Variants in DPP7 observed in about 807,000 individuals in gnomAD.
DPP7 encodes the protein dipeptidyl peptidase 7.
Under a neutral mutation model 58.8 loss-of-function variants are expected in DPP7, and 74 were observed. The observed-to-expected ratio is 1.26, with a 90% CI of 1.04 to 1.53. DPP7 has a LOEUF of 1.53. Among genes scored for constraint, DPP7 ranks in the 40% most tolerant of loss-of-function variants. The pLI, the probability that DPP7 is intolerant of heterozygous loss-of-function variation, is 0.00. For missense variants in DPP7, 807 were observed against 692.3 expected, an observed-to-expected ratio of 1.17 and a Z score of -1.86; for synonymous variants, 350 against 303.6, an observed-to-expected ratio of 1.15 and a Z score of -1.59.
intron 8 of DPP7, 115 bp downstream of exon 8, chr9:137,112,629 TG>T: frequency 7.8e-7 from 1 of 1,281,292 alleles, no homozygotes; most frequent in Non-Finnish European, 1.1e-6. Context: ...ACCACAGCCC[TG>T]GGGCAGGAGG....
At chr9:137,115,777 C>G (rs377173008), upstream of DPP7, among the ~76,000 whole-genome samples, 10 of 152,142 alleles carry the variant, frequency 6.6e-5, no homozygotes, top group Non-Finnish European at 8.8e-5. Flanking sequence ...CACTGCAACA[C>G]GAGGTCATCC....
intron 11 of DPP7, among the ~76,000 whole-genome samples, 184 bp from the exon 12 acceptor site, chr9:137,111,134 CA>C (rs1831342245): frequency 6.6e-6 from 1 of 152,120 alleles, no homozygotes; most frequent in African/African-American, 2.4e-5. Flanking sequence ...CCGGGTGAGA[CA>C]GGAGCAGGGA....
chr9:137,111,647 AC>A, intron 11 of DPP7, 42 bp downstream of exon 11: 5 of 1,558,484 alleles, frequency 3.2e-6, no homozygotes, highest in Admixed American at 1.9e-5. Flanking sequence ...CAAAAAAAAA[AC>A]AAACAAACTA....
rs201995932 is a variant in DPP7 at position 137,113,365 on chromosome 9, G to T, written c.617C>A (p.Thr206Lys). 38 of 1,611,398 alleles carry T rather than the reference G, an allele frequency of 2.4e-5. No homozygotes were observed. The African/African-American group carries it at 4.7e-4, about 20-fold the overall frequency. ...GDSNQFFRDVTADFEGQSPKC... is the reference protein window; with the variant it reads ...GDSNQFFRDVKADFEGQSPKC... ...AGGACCCCAAGCCTCACTCACCGCC[G>T]TGACGTCCCGGAAGAACTGGTTGGA... Residue 206 changes from threonine to lysine, a missense_variant, in exon 5 of 13, where the codon ACG (threonine) becomes AAG (lysine). Coordinates refer to ENST00000371579, the MANE Select transcript of DPP7 (RefSeq NM_013379.3).
chr9:137,113,749 C>T (rs1285208733), intron 4 of DPP7, 116 bp downstream of exon 4: 1 of 1,411,958 alleles, frequency 7.1e-7, no homozygotes, highest in Admixed American at 2.8e-5. Flanking sequence ...GGAACCACTG[C>T]CTGAGGCCTT....
Position 137,110,793 on chromosome 9 carries a change from G to A in DPP7, c.1344-10C>T, listed in dbSNP as rs765001972. ...TTCTGGGTGGGAGGCTCTGGGGAGCGGGCACAGAGGGGGCCCGTCAGCCCC... is the reference window on the plus strand; with the variant it reads ...TTCTGGGTGGGAGGCTCTGGGGAGCAGGCACAGAGGGGGCCCGTCAGCCCC... On this transcript the variant is annotated splice_polypyrimidine_tract_variant and intron_variant, in intron 12 of 12. Coordinates refer to ENST00000371579, the MANE Select transcript of DPP7 (RefSeq NM_013379.3). 1.5e-5 allele frequency: 24 copies of A among 1,602,678 alleles called. No individual in the cohort carries two copies. The highest frequency in any genetic ancestry group is 1.1e-4 in the South Asian group (10 of 90,742).
Position 137,112,124 on chromosome 9 carries a change from G to A in DPP7, c.1038C>T (p.Ala346=). The A allele has an allele frequency of 6.2e-7, 1 of 1,611,640 alleles. No homozygotes were observed. The highest frequency in any genetic ancestry group is 1.1e-5 in the South Asian group (1 of 91,044). Residue 346 remains alanine, a synonymous_variant, in exon 9 of 13, where the codon GCC becomes GCT. Transcript: ENST00000371579. The part of the protein sequence containing the change: ...TGCGTGPDAR[A]WDYQACTEIN... ...CACACCCCCACACCTGGTAGTCCCA[G>A]GCCCTGGCGTCGGGGCCGGTGCCGC... is the stretch of plus-strand genomic sequence containing the variant.
In DPP7 at chr9:137,113,447, C is replaced by G; in HGVS notation, c.535G>C (p.Val179Leu). Reference sequence around the variant, plus strand: ...GCGCTGGCCGCCAGCGCCCCCGCCACCAGGTGGGGATACTTCATCCTCAGG... The same window carrying G: ...GCGCTGGCCGCCAGCGCCCCCGCCAGCAGGTGGGGATACTTCATCCTCAGG... ...AYLRMKYPHL[V>L]AGALAASAPV... The change falls in exon 5 of 13, where the codon GTG (valine) becomes CTG (leucine). Residue 179 changes from valine to leucine, a missense_variant. Coordinates refer to ENST00000371579, the MANE Select transcript of DPP7 (RefSeq NM_013379.3). 1 of 1,605,134 alleles carries G rather than the reference C, an allele frequency of 6.2e-7. No individual in the cohort carries two copies. Among genetic ancestry groups the G allele is most frequent in the Admixed American group, 1.7e-5 (1 of 59,128 alleles).
At chr9:137,115,672 C>T (rs11146001), upstream of DPP7, among the ~76,000 whole-genome samples, 15,969 of 152,134 alleles carry the variant, frequency 0.1, 1,051 homozygotes, top group East Asian at 0.27. Context: ...CAGCCCCTCA[C>T]GCCATGGCCC....
Position 137,114,367 on chromosome 9 carries a change from C to T in DPP7, c.197G>A (p.Arg66Gln). 1 of 1,603,610 alleles carries T rather than the reference C, an allele frequency of 6.2e-7. No individual in the cohort carries two copies. Among genetic ancestry groups the T allele is most frequent in the Non-Finnish European group, 8.5e-7 (1 of 1,176,162 alleles). The change falls in exon 3 of 13, where the codon CGG becomes CAG. Residue 66 changes from arginine to glutamine, a missense_variant. This residue lies in a region of DPP7 where 168 missense variants were observed against 124.1 expected (regional missense o/e 1.35). Coordinates refer to ENST00000371579, the MANE Select transcript of DPP7 (RefSeq NM_013379.3). The stretch of plus-strand genomic sequence containing the variant: ...GTAGAAGAAGATGGGCCCCTCGCCC[C>T]GGACCCAGAACCTGTCTGTGGGGAG... ...RFLVSDRFWV[R>Q]GEGPIFFYTG...
Position 137,113,018 on chromosome 9 carries a change from G to A in DPP7, c.805C>T (p.Leu269=), listed in dbSNP as rs766298928. 19 of 1,613,696 alleles carry A rather than the reference G, an allele frequency of 1.2e-5. No individual in the cohort carries two copies. Among genetic ancestry groups the A allele is most frequent in the East Asian group, 6.7e-5 (3 of 44,892 alleles). The change falls in exon 7 of 13, where the codon CTG becomes TTG. Residue 269 remains leucine, a synonymous_variant. Coordinates refer to ENST00000371579, the MANE Select transcript of DPP7 (RefSeq NM_013379.3). ...FMFARNAFTV[L]AMMDYPYPTD... Reference sequence around the variant, plus strand: ...GGGTAGGGGTAGTCCATCATGGCCAGCACGGTGAAGGCATTCCGGGCGAAC... The same window carrying A: ...GGGTAGGGGTAGTCCATCATGGCCAACACGGTGAAGGCATTCCGGGCGAAC...
chr9:137,115,991 A>G (rs1831627513), upstream of DPP7, among the ~76,000 whole-genome samples: 1 of 152,122 alleles, frequency 6.6e-6, no homozygotes. Flanking sequence ...GGTGGCCAGA[A>G]CTCCACCAGC....
Position 137,114,563 on chromosome 9 carries a change from CG to C in DPP7, c.80del (p.Pro27ArgfsTer103). ...AGAAGCGCTCCTGGAAGCCGGGGTC[CG>C]GGGCCCTGCGGGCTGTGGGGGGACG... ...RGLQAGARRA[P>X]DPGFQERFFQ... On this transcript the variant is annotated frameshift_variant, in exon 2 of 13. Coordinates refer to ENST00000371579, the MANE Select transcript of DPP7 (RefSeq NM_013379.3). LOFTEE classifies it high-confidence loss of function. The C allele has an allele frequency of 6.5e-7, 1 of 1,548,146 alleles. No homozygotes were observed. Among genetic ancestry groups the C allele is most frequent in the Non-Finnish European group, 8.7e-7 (1 of 1,148,436 alleles).
intron 1 of DPP7, 32 bp downstream of exon 1, chr9:137,114,615 C>T: frequency 1.4e-6 from 2 of 1,421,898 alleles, no homozygotes; most frequent in Non-Finnish European, 9.2e-7. Flanking sequence ...GGGCCGGGAC[C>T]GGGGAATGGG....
At chr9:137,111,810 G>A in intron 10 of DPP7, 56 bp from the exon 11 acceptor site, 2 of 1,613,284 alleles carry the variant, frequency 1.2e-6, no homozygotes, top group Non-Finnish European at 1.7e-6. Context: ...TGTGAGCCAT[G>A]GGCAGGGGGT....
Position 137,113,283 on chromosome 9 carries a change from A to G in DPP7, c.626T>C (p.Phe209Ser). 1 of 1,613,670 alleles carries G rather than the reference A, an allele frequency of 6.2e-7. No individual in the cohort carries two copies. The highest frequency in any genetic ancestry group is 8.5e-7 in the Non-Finnish European group (1 of 1,179,972). ...NQFFRDVTAD[F>S]EGQSPKCTQG... Reference sequence around the variant, plus strand: ...GGTGCATTTGGGACTCTGGCCCTCAAAGTCCTGGGGGAAAGAGACCGTGCT... The same window carrying G: ...GGTGCATTTGGGACTCTGGCCCTCAGAGTCCTGGGGGAAAGAGACCGTGCT... The change falls in exon 6 of 13, where the codon TTT (phenylalanine) becomes TCT (serine). Residue 209 changes from phenylalanine (F) to serine (S), a missense_variant. Transcript: ENST00000371579.
rs201613124 is a variant in DPP7, at chr9:137,114,504, C to G, written c.140G>C (p.Arg47Pro). 539 of 1,585,042 alleles carry G rather than the reference C, an allele frequency of 3.4e-4. No individual in the cohort carries two copies. Among genetic ancestry groups the G allele is most frequent in the Non-Finnish European group, 4.5e-4 (522 of 1,166,514 alleles). ...QQRLDHFNFE[R>P]FGNKTFPQRF... is the part of the protein sequence containing the mutation. Reference sequence around the variant, plus strand: ...CTGAGGGAAGGTCTTGTTGCCGAAGCGCTCGAAGTTGAAGTGGTCCAGACG... The same window carrying G: ...CTGAGGGAAGGTCTTGTTGCCGAAGGGCTCGAAGTTGAAGTGGTCCAGACG... Residue 47 changes from arginine (R) to proline (P), a missense_variant, in exon 2 of 13, where the codon CGC becomes CCC. By Grantham distance (103) the Arg-to-Pro change is moderately radical. Around this residue, in one of 3 missense-constraint regions of DPP7, gnomAD observed 168 missense variants for 124.1 expected, o/e 1.35. Transcript: ENST00000371579.
chr9:137,113,831 G>T (rs745476860), intron 4 of DPP7, 34 bp downstream of exon 4: 4 of 1,453,114 alleles, frequency 2.8e-6, no homozygotes, highest in Non-Finnish European at 2.7e-6. Flanking sequence ...GGGCAGGGGA[G>T]GGAGGGGGTG....
At chr9:137,113,334 G>A in intron 5 of DPP7, 27 bp downstream of exon 5, 1 of 1,612,594 alleles carries the variant, frequency 6.2e-7, no homozygotes, top group Non-Finnish European at 8.5e-7. Flanking sequence ...CCCTTAGGGG[G>A]CCTGGAGGAC....
Sources: gnomAD v4.1 joint callset for allele counts (sites outside exome capture counted in the v4.1 genomes callset) on GRCh38, gnomAD v4.1.1 for gene constraint, gnomAD v4.1.1 regional missense constraint, MANE v1.5 for transcripts, NCBI Gene and HGNC (gene_info 2026-07-23, HGNC 2026-07-21) for gene names.